NTNG2: variants seen among roughly 807,000 people sequenced by gnomAD.
NTNG2 encodes the protein netrin G2.
A neutral mutation model predicts 47.6 loss-of-function variants in NTNG2; 15 were observed. That is an observed-to-expected ratio of 0.32 (90% CI 0.21 to 0.49). The LOEUF is 0.49. Ranked by LOEUF, NTNG2 falls within the 20% of genes least tolerant of loss-of-function variation. NTNG2 has a pLI of 0.99. For synonymous variants in NTNG2, 307 were observed against 324.6 expected (o/e 0.95, Z 0.58); for missense variants, 578 against 764.6 (o/e 0.76, Z 2.88).
At chr9:132,179,702 A>G (rs1045466551) in intron 2 of NTNG2, among the ~76,000 whole-genome samples, 1 of 152,182 alleles carries the variant, frequency 6.6e-6, no homozygotes, top group African/African-American at 2.4e-5. Flanking sequence ...GCCCTCTCGT[A>G]ACAGGACGGA....
intron 3 of NTNG2, among the ~76,000 whole-genome samples, chr9:132,200,255 G>A (rs563817382): frequency 7.9e-5 from 12 of 152,296 alleles, no homozygotes; most frequent in South Asian, 2.1e-4. Context: ...GGGGCAGTCC[G>A]GGCCAGGAGC....
At chr9:132,189,054 G>C (rs72763675) in intron 2 of NTNG2, among the ~76,000 whole-genome samples, 12,209 of 119,684 alleles carry the variant, frequency 0.1, 644 homozygotes, top group Middle Eastern at 0.16. Flanking sequence ...ATGTGAAAAA[G>C]GCTTTAAGCC....
At chr9:132,223,329 C>T (rs1231183847) in intron 3 of NTNG2, among the ~76,000 whole-genome samples, 1 of 152,084 alleles carries the variant, frequency 6.6e-6, no homozygotes, top group East Asian at 1.9e-4. Context: ...CCCAGGGGAC[C>T]CTTCATTCCC....
At chr9:132,174,533 C>T (rs1836261153) in intron 2 of NTNG2, among the ~76,000 whole-genome samples, 1 of 152,206 alleles carries the variant, frequency 6.6e-6, no homozygotes, top group South Asian at 2.1e-4. Context: ...TGAAACTGGG[C>T]ATGGCGCTGG....
At chr9:132,170,400 G>A (rs1312323907) in intron 2 of NTNG2, among the ~76,000 whole-genome samples, 1 of 152,244 alleles carries the variant, frequency 6.6e-6, no homozygotes, top group African/African-American at 2.4e-5. Flanking sequence ...TGTGGGAGAA[G>A]AGAGGCGGCC....
chr9:132,241,052 C>A lies in NTNG2; in HGVS notation c.1357+8C>A. 1 of 1,591,242 alleles carries A rather than the reference C, an allele frequency of 6.3e-7. No homozygotes were observed. The highest frequency in any genetic ancestry group is 8.5e-7 in the Non-Finnish European group (1 of 1,173,748). ...GGCGCCAGGGCTGCTACCGTGAGTG[C>A]GCGCCGTCCCCCGTGGGCGGGGCCT... On this transcript the variant is annotated splice_region_variant and intron_variant, in intron 7 of 7. Coordinates refer to ENST00000393229, the MANE Select transcript of NTNG2 (RefSeq NM_032536.4).
At chr9:132,211,132 G>T (rs1040423943) in intron 3 of NTNG2, among the ~76,000 whole-genome samples, 3 of 152,186 alleles carry the variant, frequency 2.0e-5, no homozygotes, top group African/African-American at 7.2e-5. Flanking sequence ...ACTGCCCTGG[G>T]CTCAGGGCTT....
At chr9:132,171,144 CAG>C (rs1449980155) in intron 2 of NTNG2, among the ~76,000 whole-genome samples, 4 of 152,228 alleles carry the variant, frequency 2.6e-5, no homozygotes, top group African/African-American at 9.6e-5. Flanking sequence ...TGGAAGGTTC[CAG>C]AGAGAGGCAG....
At chr9:132,229,110 G>T (rs999873752) in intron 4 of NTNG2, among the ~76,000 whole-genome samples, 4 of 152,060 alleles carry the variant, frequency 2.6e-5, no homozygotes, top group Admixed American at 6.5e-5. Context: ...CCCGGGAATT[G>T]CCTTTGAGGC....
At chr9:132,189,486 G>T (rs1370420807) in intron 2 of NTNG2, among the ~76,000 whole-genome samples, 1 of 152,080 alleles carries the variant, frequency 6.6e-6, no homozygotes, top group East Asian at 1.9e-4. Context: ...CCCTCTCTGT[G>T]ACCCTGCATC....
chr9:132,240,790 T>G (rs1841924022), intron 6 of NTNG2, 120 bp from the exon 7 acceptor site: 1 of 1,464,032 alleles, frequency 6.8e-7, no homozygotes, highest in Admixed American at 1.9e-5. Flanking sequence ...GTGGACCCAG[T>G]GTGGGGAGCA....
chr9:132,222,187 G>A (rs374153171), intron 3 of NTNG2, among the ~76,000 whole-genome samples: 45 of 152,210 alleles, frequency 3.0e-4, no homozygotes, highest in African/African-American at 9.9e-4. Flanking sequence ...GTGGAGTGAG[G>A]TAGGATCAAG....
In NTNG2 at chr9:132,228,276, G is replaced by A. The variant is rs977900306; in HGVS notation, c.1030+1255G>A. Among the ~76,000 whole-genome samples, 5 of 152,370 alleles carry A rather than the reference G, an allele frequency of 3.3e-5. No homozygotes were observed. In the East Asian group the frequency reaches 5.8e-4, roughly 18 times the overall value. On this transcript the variant is annotated intron_variant, in intron 4 of 7. Coordinates refer to ENST00000393229, the MANE Select transcript of NTNG2 (RefSeq NM_032536.4). The stretch of plus-strand genomic sequence containing the variant: ...ATGTCACGCGTGTGCTACAGCAGGC[G>A]GTGAGACAGGCCTTTGAAGGGGTGA...
intron 2 of NTNG2, among the ~76,000 whole-genome samples, chr9:132,174,192 G>A (rs1836210741): frequency 7.6e-6 from 1 of 130,838 alleles, no homozygotes; most frequent in African/African-American, 3.0e-5. Flanking sequence ...GTCGAACCAT[G>A]CTGCAGATTA....
At chr9:132,192,278 TC>T (rs1450165811) in intron 2 of NTNG2, among the ~76,000 whole-genome samples, 2 of 152,036 alleles carry the variant, frequency 1.3e-5, no homozygotes, top group Non-Finnish European at 2.9e-5. Flanking sequence ...CCCCGGTGGG[TC>T]CCCAGAATTC....
intron 4 of NTNG2, 72 bp downstream of exon 4, chr9:132,227,093 T>A: frequency 6.8e-7 from 1 of 1,468,512 alleles, no homozygotes; most frequent in South Asian, 1.3e-5. Flanking sequence ...CCAGGAGCTG[T>A]GGATCATACA....
intron 2 of NTNG2, among the ~76,000 whole-genome samples, chr9:132,196,023 G>A (rs550915727): frequency 8.5e-5 from 13 of 152,094 alleles, no homozygotes; most frequent in Middle Eastern, 3.4e-3. Flanking sequence ...CTCCTGCCTC[G>A]GCCTCCCGGA....
rs1489385919 is a variant in NTNG2, at chr9:132,182,973, G to C, written c.214-14993G>C. On this transcript the variant is annotated intron_variant, in intron 2 of 7. Coordinates refer to ENST00000393229, the MANE Select transcript of NTNG2 (RefSeq NM_032536.4). This position sits in a 1 kb window ranked among gnomAD's most constrained non-coding sequence, Gnocchi z 4.2. ...CATTAAACCTCCCCAGGTGGTCCCAGTGCACAGCCAAGTTTGAGAAGCACC... is the reference window on the plus strand; with the variant it reads ...CATTAAACCTCCCCAGGTGGTCCCACTGCACAGCCAAGTTTGAGAAGCACC... Among the ~76,000 whole-genome samples the C allele has an allele frequency of 2.0e-5, 3 of 152,228 alleles. No individual in the cohort carries two copies. Among genetic ancestry groups the C allele is most frequent in the African/African-American group, 7.2e-5 (3 of 41,458 alleles).
chr9:132,188,066 T>C (rs897174590), intron 2 of NTNG2, among the ~76,000 whole-genome samples: 3 of 152,242 alleles, frequency 2.0e-5, no homozygotes, highest in African/African-American at 4.8e-5. Flanking sequence ...GCCCAAGCCA[T>C]AGGGTTTCCC....
Sources: allele counts gnomAD v4.1 joint callset (sites outside exome capture counted in the v4.1 genomes callset), GRCh38; gene constraint gnomAD v4.1.1; non-coding constraint Gnocchi (gnomAD v3.1); transcripts MANE v1.5; gene names NCBI Gene and HGNC (gene_info 2026-07-23, HGNC 2026-07-21).